TTLL5: variants seen among roughly 807,000 people sequenced by gnomAD.
TTLL5 encodes the protein tubulin polyglutamylase TTLL5.
TTLL5 carries 132 observed loss-of-function variants against 168.4 expected under a neutral mutation model. The observed-to-expected ratio is 0.78, with a 90% CI of 0.68 to 0.91. The LOEUF (loss-of-function observed/expected upper bound fraction) is 0.91, where lower values mean the gene tolerates loss of function less well. Ranked by LOEUF, TTLL5 falls within the 40% of genes least tolerant of loss-of-function variation. TTLL5 has a pLI of 0.00. For synonymous variants in TTLL5, 546 were observed against 558.6 expected, an observed-to-expected ratio of 0.98 and a Z score of 0.32; for missense variants, 1,545 against 1,581.5, an observed-to-expected ratio of 0.98 and a Z score of 0.39.
chr14:75,740,143 G>A (rs1034257394), intron 15 of TTLL5, among the ~76,000 whole-genome samples: 4 of 152,098 alleles, frequency 2.6e-5, no homozygotes, highest in Non-Finnish European at 5.9e-5. Context: ...TAAAAATTTT[G>A]TGAAATTTTC....
At chr14:75,724,561 A>T (rs1168546667) in intron 12 of TTLL5, among the ~76,000 whole-genome samples, 1 of 152,214 alleles carries the variant, frequency 6.6e-6, no homozygotes, top group Non-Finnish European at 1.5e-5. Flanking sequence ...TAATTAGTTC[A>T]GATATAGAAA....
chr14:75,918,593 G>A (rs1235191725), intron 31 of TTLL5, among the ~76,000 whole-genome samples: 1 of 151,984 alleles, frequency 6.6e-6, no homozygotes, highest in Non-Finnish European at 1.5e-5. Flanking sequence ...CACCGTAAAT[G>A]AGGAAGATGG....
At chr14:75,732,933 A>C (rs1326819176) in intron 13 of TTLL5, among the ~76,000 whole-genome samples, 3 of 152,228 alleles carry the variant, frequency 2.0e-5, no homozygotes, top group African/African-American at 7.2e-5. Flanking sequence ...ATTGTTTAGA[A>C]GAAAAGAAAC....
chr14:75,802,153 C>G (rs1893359786), intron 27 of TTLL5, among the ~76,000 whole-genome samples: 1 of 151,906 alleles, frequency 6.6e-6, no homozygotes, highest in Non-Finnish European at 1.5e-5. Flanking sequence ...TTTATTCATT[C>G]TATTGTTTTC....
At chr14:75,923,454 C>A (rs953636628) in intron 31 of TTLL5, among the ~76,000 whole-genome samples, 25 of 152,244 alleles carry the variant, frequency 1.6e-4, no homozygotes, top group African/African-American at 6.0e-4. Context: ...TTTCTGCCTT[C>A]ATTTTGTTAT....
intron 28 of TTLL5, among the ~76,000 whole-genome samples, chr14:75,820,452 A>G (rs1282254939): frequency 2.0e-5 from 3 of 151,906 alleles, no homozygotes; most frequent in Admixed American, 2.0e-4. Context: ...CATCATTTTT[A>G]TGTGCCAACT....
chr14:75,779,163 C>T (rs2360034), intron 23 of TTLL5, among the ~76,000 whole-genome samples: 2,246 of 152,222 alleles, frequency 0.015, 61 homozygotes, highest in African/African-American at 0.05. Flanking sequence ...AAAAACAAGT[C>T]GCTGGTCAGG....
At chr14:75,875,559 AATATATTGTGAAC>A (rs2031422463) in intron 29 of TTLL5, among the ~76,000 whole-genome samples, 1 of 152,042 alleles carries the variant, frequency 6.6e-6, no homozygotes, top group East Asian at 1.9e-4. Flanking sequence ...AAAAGAAAAA[AATATATTGTGAAC>A]ATATTTACAT....
intron 30 of TTLL5, among the ~76,000 whole-genome samples, chr14:75,900,002 C>G (rs1032099937): frequency 4.0e-5 from 6 of 151,298 alleles, no homozygotes; most frequent in African/African-American, 1.5e-4. Context: ...CAGGGCTTTG[C>G]TCCACTCAGC....
At chr14:75,922,180 C>CAG (rs201928437) in intron 31 of TTLL5, among the ~76,000 whole-genome samples, 121,534 of 151,180 alleles carry the variant, frequency 0.8, 49,014 homozygotes, top group African/African-American at 0.87. Context: ...CATCTGCAAA[C>CAG]GGACAATTTG....
rs570732064 is a variant in TTLL5, at chr14:75,874,915, A to G, written c.3523-7770A>G. Among the ~76,000 whole-genome samples the G allele has an allele frequency of 2.2e-5, 3 of 137,600 alleles. No homozygotes were observed. The East Asian group carries it at 7.7e-4, about 35-fold the overall frequency. The allele number at this position is 137,600 out of a possible 152,430, so 90.3% of individuals were successfully genotyped here. On this transcript the variant is annotated intron_variant, in intron 29 of 31. Transcript: ENST00000298832. Reference sequence around the variant, plus strand: ...CTTTTCTGTTTGTGACACAGAGAAAAAAAAAGACACTGGGGGCCTTTTTTT... The same window carrying G: ...CTTTTCTGTTTGTGACACAGAGAAAGAAAAAGACACTGGGGGCCTTTTTTT...
chr14:75,669,111 A>G (rs1883514916), intron 2 of TTLL5, among the ~76,000 whole-genome samples: 1 of 152,228 alleles, frequency 6.6e-6, no homozygotes, highest in Admixed American at 6.5e-5. Context: ...CACAGAGTCC[A>G]GAACATGTCT....
intron 6 of TTLL5, among the ~76,000 whole-genome samples, chr14:75,694,663 C>T (rs1415237244): frequency 4.6e-5 from 7 of 152,100 alleles, no homozygotes; most frequent in East Asian, 3.9e-4. Context: ...GGACCCTGAG[C>T]GGAGGGACTG....
intron 30 of TTLL5, among the ~76,000 whole-genome samples, chr14:75,883,392 C>G (rs2031923583): frequency 1.3e-5 from 2 of 152,210 alleles, no homozygotes; most frequent in African/African-American, 4.8e-5. Context: ...CACTGTATCT[C>G]CAGCCACTTT....
intron 31 of TTLL5, among the ~76,000 whole-genome samples, chr14:75,939,655 C>T (rs890303150): frequency 2.0e-5 from 3 of 152,196 alleles, no homozygotes; most frequent in Admixed American, 2.0e-4. Flanking sequence ...TCCCAAAGTG[C>T]TGGGATTATA....
chr14:75,882,572 T>G (rs2031876090), intron 29 of TTLL5, 113 bp from the exon 30 acceptor site: 2 of 947,074 alleles, frequency 2.1e-6, no homozygotes, highest in South Asian at 1.8e-5. Context: ...AAAAAAAAAT[T>G]AACAGTTGTC....
chr14:75,839,269 T>C (rs1299398007), intron 28 of TTLL5, among the ~76,000 whole-genome samples: 1 of 152,204 alleles, frequency 6.6e-6, no homozygotes, highest in Non-Finnish European at 1.5e-5. Context: ...ATTCTATTTT[T>C]AAGTTTTCGA....
intron 4 of TTLL5, among the ~76,000 whole-genome samples, chr14:75,682,769 T>A (rs571474410): frequency 2.2e-4 from 34 of 151,718 alleles, no homozygotes; most frequent in South Asian, 8.4e-4. Context: ...TTTTTTTTTT[T>A]AATTTTTTAT....
intron 28 of TTLL5, among the ~76,000 whole-genome samples, chr14:75,842,657 GAA>G (rs1566627387): frequency 6.6e-6 from 1 of 152,130 alleles, no homozygotes; most frequent in Non-Finnish European, 1.5e-5. Flanking sequence ...TAAAAAGGAA[GAA>G]AAGTGTTTGA....
Sources: gnomAD v4.1 joint callset for allele counts (sites outside exome capture counted in the v4.1 genomes callset) on GRCh38, gnomAD v4.1.1 for gene constraint, MANE v1.5 for transcripts, NCBI Gene and HGNC (gene_info 2026-07-23, HGNC 2026-07-21) for gene names.